KCNH7: variants seen among roughly 807,000 people sequenced by gnomAD.
KCNH7 encodes potassium voltage-gated channel subfamily H member 7, also known as voltage-gated inwardly rectifying potassium channel KCNH7.
In KCNH7, 49 loss-of-function variants were observed where a neutral mutation model predicts 120.8. The observed-to-expected ratio is 0.41, with a 90% confidence interval of 0.32 to 0.51. KCNH7 has a LOEUF of 0.51. KCNH7 is among the 20% of genes least tolerant of loss of function. KCNH7 has a pLI of 0.38. For synonymous variants in KCNH7, 547 were observed against 516.1 expected (o/e 1.06, Z -0.81); for missense variants, 1,097 against 1,446.6 (o/e 0.76, Z 3.92).
chr2:162,769,677 C>T (rs1208343814), intron 2 of KCNH7, among the ~76,000 whole-genome samples: 1 of 151,588 alleles, frequency 6.6e-6, no homozygotes, highest in East Asian at 1.9e-4. Context: ...ATATATTATG[C>T]ATACATATAT....
chr2:162,533,475 C>T (rs1376246612), intron 3 of KCNH7, among the ~76,000 whole-genome samples: 1 of 151,390 alleles, frequency 6.6e-6, no homozygotes, highest in Non-Finnish European at 1.5e-5. Flanking sequence ...TAAAAGATGA[C>T]TTTAAAATAC....
At chr2:162,399,987 G>T (rs1687025710) in intron 10 of KCNH7, among the ~76,000 whole-genome samples, 1 of 151,920 alleles carries the variant, frequency 6.6e-6, no homozygotes, top group Non-Finnish European at 1.5e-5. Flanking sequence ...ACACTTCGGA[G>T]AAAAAGTGAG....
chr2:162,664,732 AT>A (rs1685077849), intron 2 of KCNH7, among the ~76,000 whole-genome samples: 1 of 152,138 alleles, frequency 6.6e-6, no homozygotes. Context: ...TTAGGTAGGG[AT>A]GGGCAATATT....
chr2:162,494,545 C>A (rs910759906), intron 6 of KCNH7, among the ~76,000 whole-genome samples: 3 of 152,014 alleles, frequency 2.0e-5, no homozygotes, highest in Admixed American at 1.3e-4. Flanking sequence ...TATGGGATGT[C>A]TAAAATTCTA....
chr2:162,402,683 A>T (rs545723026), intron 9 of KCNH7, among the ~76,000 whole-genome samples: 1 of 151,882 alleles, frequency 6.6e-6, no homozygotes, highest in East Asian at 2.0e-4. Flanking sequence ...TATTGCTATG[A>T]TTATAGTAGT....
At chr2:162,558,503 CTTT>C (rs71410015) in intron 2 of KCNH7, among the ~76,000 whole-genome samples, 106 of 80,684 alleles carry the variant, frequency 1.3e-3, no homozygotes, top group African/African-American at 4.2e-3. Flanking sequence ...TTCTCAATGG[CTTT>C]TTTTTTTTTT....
At chr2:162,401,596 A>G (rs999480173) in intron 9 of KCNH7, among the ~76,000 whole-genome samples, 1 of 151,942 alleles carries the variant, frequency 6.6e-6, no homozygotes, top group African/African-American at 2.4e-5. Flanking sequence ...AATTATTACT[A>G]TTTTTAAATA....
chr2:162,399,274 T>C (rs1404087042), intron 10 of KCNH7, among the ~76,000 whole-genome samples: 1 of 151,840 alleles, frequency 6.6e-6, no homozygotes, highest in Non-Finnish European at 1.5e-5. Flanking sequence ...TTCCTTGCTC[T>C]TCCCCAGTGT....
intron 2 of KCNH7, among the ~76,000 whole-genome samples, chr2:162,698,486 G>T (rs1686376071): frequency 3.5e-5 from 5 of 142,790 alleles, no homozygotes; most frequent in South Asian, 2.2e-4. Flanking sequence ...TTATTAATAT[G>T]CCATTTAAAA....
chr2:162,698,089 C>G (rs76888999), intron 2 of KCNH7, among the ~76,000 whole-genome samples: 397 of 152,230 alleles, frequency 2.6e-3, no homozygotes, highest in African/African-American at 9.3e-3. Context: ...TTCATAGACT[C>G]TAGTTCATCT....
At chr2:162,432,541 T>C (rs1260960128) in intron 8 of KCNH7, among the ~76,000 whole-genome samples, 4 of 152,070 alleles carry the variant, frequency 2.6e-5, no homozygotes, top group Non-Finnish European at 4.4e-5. Flanking sequence ...AGGATCTATT[T>C]TCAACTTTCT....
rs1684947374 is a variant in KCNH7, at chr2:162,817,255, T to C, written c.307+19282A>G. On this transcript the variant is annotated intron_variant, in intron 2 of 15. Coordinates refer to ENST00000332142, the MANE Select transcript of KCNH7 (RefSeq NM_033272.4). ...CCCCGTCCTAGAGGCAACTACTGTT[T>C]TGATTTATATCACCATAGTTTAGTT... 2.6e-5 allele frequency among the ~76,000 whole-genome samples: 4 copies of C among 152,212 alleles called. No individual in the cohort carries two copies. The South Asian group carries it at 8.3e-4, about 31-fold the overall frequency.
intron 2 of KCNH7, among the ~76,000 whole-genome samples, chr2:162,612,614 A>G (rs2105974263): frequency 6.6e-6 from 1 of 152,230 alleles, no homozygotes; most frequent in East Asian, 1.9e-4. Context: ...AGACCCTTCT[A>G]ATCATAAACT....
chr2:162,406,547 A>C (rs1687230006), intron 9 of KCNH7, among the ~76,000 whole-genome samples: 1 of 151,948 alleles, frequency 6.6e-6, no homozygotes, highest in Non-Finnish European at 1.5e-5. Context: ...TGGGTCATTA[A>C]ATATACTTAA....
At chr2:162,712,090 T>A (rs544354147) in intron 2 of KCNH7, among the ~76,000 whole-genome samples, 10 of 152,290 alleles carry the variant, frequency 6.6e-5, no homozygotes, top group African/African-American at 2.4e-4. Context: ...AGTACAAGAC[T>A]CTTTACACGG....
At chr2:162,427,542 T>A (rs1353962451) in intron 8 of KCNH7, among the ~76,000 whole-genome samples, 2 of 151,960 alleles carry the variant, frequency 1.3e-5, no homozygotes, top group African/African-American at 4.8e-5. Flanking sequence ...ATTTTTAAAT[T>A]GAGTTGTCTT....
intron 2 of KCNH7, among the ~76,000 whole-genome samples, chr2:162,644,142 A>C (rs1684268164): frequency 6.6e-6 from 1 of 151,990 alleles, no homozygotes; most frequent in South Asian, 2.1e-4. Context: ...GCAAATTCAG[A>C]AAAACAAATG....
chr2:162,464,060 T>A (rs1038952329), intron 6 of KCNH7, among the ~76,000 whole-genome samples: 1 of 151,892 alleles, frequency 6.6e-6, no homozygotes, highest in Non-Finnish European at 1.5e-5. Context: ...TAACCAACTA[T>A]CAACCAAAGT....
At chr2:162,443,519 C>T (rs935143877) in intron 7 of KCNH7, among the ~76,000 whole-genome samples, 15 of 152,190 alleles carry the variant, frequency 9.9e-5, no homozygotes, top group African/African-American at 3.6e-4. Flanking sequence ...ACCCTTAATT[C>T]TGCTTTTTCT....
Sources: gnomAD v4.1 joint callset for allele counts (sites outside exome capture counted in the v4.1 genomes callset) on GRCh38, gnomAD v4.1.1 for gene constraint, MANE v1.5 for transcripts, NCBI Gene and HGNC (gene_info 2026-07-23, HGNC 2026-07-21) for gene names.